Variants in SLC29A4 observed in about 807,000 individuals in gnomAD.
SLC29A4 encodes the protein solute carrier family 29 member 4.
Under a neutral mutation model 43.9 loss-of-function variants are expected in SLC29A4, and 36 were observed. That is an observed-to-expected ratio of 0.82 (90% CI 0.63 to 1.08). The LOEUF is 1.08. Ranked by LOEUF, SLC29A4 falls within the 50% of genes least tolerant of loss-of-function variation. The pLI is 0.00. For synonymous variants in SLC29A4, 491 were observed against 338.0 expected, an observed-to-expected ratio of 1.45 and a Z score of -4.97; for missense variants, 869 against 755.3, an observed-to-expected ratio of 1.15 and a Z score of -1.77.
In SLC29A4 at chr7:5,306,748, A is replaced by G. The variant is rs1583697104; in HGVS notation, c.*3809A>G. The G allele has an allele frequency of 6.6e-6, 1 of 151,670 alleles. No individual in the cohort carries two copies. The highest frequency in any genetic ancestry group is 1.5e-5 in the Non-Finnish European group (1 of 67,906). The allele number at this position is 151,670 out of a possible 1,614,324, so 9.4% of individuals were successfully genotyped here. ...CTGATATGGCAGAATGCCCCCAGAC[A>G]CCACCCCTACTCCAGCCCCTGAAAT... On this transcript the variant is annotated 3_prime_UTR_variant, in exon 11 of 11. Transcript: ENST00000396872.
At chr7:5,292,675 C>G (rs1345916359) in intron 5 of SLC29A4, among the ~76,000 whole-genome samples, 4 of 123,998 alleles carry the variant, frequency 3.2e-5, no homozygotes, top group African/African-American at 8.7e-5. Context: ...TTCTACCAGC[C>G]AAGACATTTT....
At chr7:5,296,893 A>T in intron 6 of SLC29A4, 43 bp from the exon 7 acceptor site, 1 of 1,441,036 alleles carries the variant, frequency 6.9e-7, no homozygotes, top group Non-Finnish European at 9.4e-7. Flanking sequence ...CGGTGCAGGG[A>T]GCTGGGCGGA....
chr7:5,294,295 T>C (rs971013495), intron 5 of SLC29A4, among the ~76,000 whole-genome samples: 5 of 152,162 alleles, frequency 3.3e-5, no homozygotes, highest in Admixed American at 3.3e-4. Flanking sequence ...CTTCCAGGGC[T>C]GGATTTGCTA....
chr7:5,291,171 C>A lies in SLC29A4; in HGVS notation c.349C>A (p.Leu117Met). The A allele has an allele frequency of 6.2e-7, 1 of 1,613,898 alleles. No individual in the cohort carries two copies. Among genetic ancestry groups the A allele is most frequent in the Non-Finnish European group, 8.5e-7 (1 of 1,180,018 alleles). The stretch of plus-strand genomic sequence containing the variant: ...GAGCCTCACCTACATCTTGGTGGCA[C>A]TGGCAGCTGTCCTCCTGAACAACGT... ...DMSLTYILVA[L>M]AAVLLNNVLV... The change falls in exon 4 of 11, where the codon CTG (leucine) becomes ATG (methionine). Residue 117 changes from leucine (L) to methionine (M), a missense_variant. Leu to Met is a conservative substitution (Grantham distance 15). Transcript: ENST00000396872.
In SLC29A4 at chr7:5,287,935, C is replaced by G. The variant is rs755223089; in HGVS notation, c.119C>G (p.Ala40Gly). 5 of 1,611,374 alleles carry G rather than the reference C, an allele frequency of 3.1e-6. No individual in the cohort carries two copies. In the African/African-American group the frequency reaches 4.0e-5, roughly 13 times the overall value. ...CAGCTGGAGGAGGCGGCGGAGGCGG[C>G]TCAGGGCCAGGGCCTTAGGGCCAGG... Reference protein sequence around the residue: ...SHQLEEAAEAAQGQGLRARGV... With the variant: ...SHQLEEAAEAGQGQGLRARGV... Residue 40 changes from alanine to glycine, a missense_variant, in exon 2 of 11, where the codon GCT becomes GGT. By Grantham distance (60) the Ala-to-Gly change is moderately conservative (BLOSUM62 0). Transcript: ENST00000396872.
At chr7:5,296,495 T>C (rs1224479472) in intron 6 of SLC29A4, among the ~76,000 whole-genome samples, 1 of 127,190 alleles carries the variant, frequency 7.9e-6, no homozygotes, top group African/African-American at 3.1e-5. Context: ...GACTCAGGAC[T>C]TAGAGGGAGC....
Position 5,305,571 on chromosome 7 carries a change from T to C in SLC29A4, c.*2632T>C, listed in dbSNP as rs1786442689. ...GTGCAGCTTTGCTTTTTTTTTTTTTTTTTTTGGAGGAGTTTCGCTTTTGTT... is the reference window on the plus strand; with the variant it reads ...GTGCAGCTTTGCTTTTTTTTTTTTTCTTTTTGGAGGAGTTTCGCTTTTGTT... On this transcript the variant is annotated 3_prime_UTR_variant, in exon 11 of 11. Coordinates refer to ENST00000396872, the MANE Select transcript of SLC29A4 (RefSeq NM_153247.4). 6.6e-6 allele frequency: 1 copy of C among 151,196 alleles called. No homozygotes were observed. The highest frequency in any genetic ancestry group is 2.1e-4 in the South Asian group (1 of 4,768). The allele number at this position is 151,196 out of a possible 1,614,324, so 9.4% of individuals were successfully genotyped here.
At chr7:5,297,791 C>G (rs557427622) in intron 7 of SLC29A4, among the ~76,000 whole-genome samples, 3 of 152,142 alleles carry the variant, frequency 2.0e-5, no homozygotes, top group Non-Finnish European at 4.4e-5. Context: ...TGGGGATAGG[C>G]GGAGAGGGAG....
At position 5,297,217 on chromosome 7, in the gene SLC29A4, C is replaced by G; in HGVS notation, c.882+19C>G. The G allele has an allele frequency of 6.5e-7, 1 of 1,547,638 alleles. No homozygotes were observed. The highest frequency in any genetic ancestry group is 8.7e-7 in the Non-Finnish European group (1 of 1,151,756). Reference sequence around the variant, plus strand: ...CCACTTCGTAAGTGCGCACCGCCCACCTCTGTTCCCTTCTCTGTCCCCTTC... The same window carrying G: ...CCACTTCGTAAGTGCGCACCGCCCAGCTCTGTTCCCTTCTCTGTCCCCTTC... On this transcript the variant is annotated intron_variant, in intron 7 of 10. Transcript: ENST00000396872.
chr7:5,295,482 A>C (rs1422837773), intron 6 of SLC29A4, among the ~76,000 whole-genome samples: 1 of 151,844 alleles, frequency 6.6e-6, no homozygotes, highest in African/African-American at 2.4e-5. Context: ...TGAACCTTAC[A>C]TGACATCCGG....
chr7:5,296,831 C>T (rs1358053522), intron 6 of SLC29A4, 105 bp from the exon 7 acceptor site: 11 of 1,139,678 alleles, frequency 9.7e-6, no homozygotes, highest in Admixed American at 5.5e-5. Flanking sequence ...TGGTGGAGGG[C>T]GGGGCCGGTG....
intron 5 of SLC29A4, among the ~76,000 whole-genome samples, chr7:5,293,129 C>T (rs1446876772): frequency 2.6e-5 from 4 of 150,948 alleles, no homozygotes; most frequent in African/African-American, 9.7e-5. Flanking sequence ...TGCAAGGGTC[C>T]AGGCCAGGCT....
chr7:5,291,505 C>G (rs1303135252), intron 4 of SLC29A4, among the ~76,000 whole-genome samples, 188 bp from the exon 5 acceptor site: 1 of 152,250 alleles, frequency 6.6e-6, no homozygotes, highest in African/African-American at 2.4e-5. Context: ...GCTTCAAGGC[C>G]CGGCTCAAAT....
intron 9 of SLC29A4, among the ~76,000 whole-genome samples, chr7:5,299,690 C>G (rs529629105): frequency 6.6e-6 from 1 of 152,234 alleles, no homozygotes; most frequent in Non-Finnish European, 1.5e-5. Flanking sequence ...GATCACAGGT[C>G]CCCTGGGGAT....
intron 1 of SLC29A4, among the ~76,000 whole-genome samples, chr7:5,286,613 G>A (rs970228834): frequency 8.5e-5 from 13 of 152,096 alleles, no homozygotes; most frequent in Admixed American, 6.5e-4. Context: ...CAGTGCAAGC[G>A]TCTCCATCAC....
chr7:5,298,665 T>G (rs1785890229), intron 7 of SLC29A4, among the ~76,000 whole-genome samples: 1 of 152,098 alleles, frequency 6.6e-6, no homozygotes, highest in African/African-American at 2.4e-5. Flanking sequence ...GCCTGGGTGA[T>G]GGCGCATGGC....
rs1785057189 is a variant in SLC29A4, at chr7:5,287,873, C to T, written c.57C>T (p.Asp19=). 1.9e-6 allele frequency: 3 copies of T among 1,611,974 alleles called. No individual in the cohort carries two copies. The highest frequency in any genetic ancestry group is 1.1e-5 in the South Asian group (1 of 91,010). The change falls in exon 2 of 11, where the codon GAC becomes GAT. Residue 19 remains aspartate, a synonymous_variant. Transcript: ENST00000396872. Reference sequence around the variant, plus strand: ...AGCCCAGCGTGGCAGGCACACCAGACCCGGGCGTAGTGATGAGCTTCACCT... The same window carrying T: ...AGCCCAGCGTGGCAGGCACACCAGATCCGGGCGTAGTGATGAGCTTCACCT... ...LEEPSVAGTP[D]PGVVMSFTFD... is the part of the protein sequence containing the mutation.
intron 2 of SLC29A4, among the ~76,000 whole-genome samples, chr7:5,289,757 T>TAAAGGCAGTGAC (rs1045453389): frequency 1.3e-4 from 19 of 151,934 alleles, no homozygotes; most frequent in Non-Finnish European, 1.6e-4. Flanking sequence ...CCTCTCCAGA[T>TAAAGGCAGTGAC]AAAGGCAGTG....
At chr7:5,291,472 A>G (rs1210205601) in intron 4 of SLC29A4, among the ~76,000 whole-genome samples, 4 of 152,044 alleles carry the variant, frequency 2.6e-5, no homozygotes, top group Non-Finnish European at 1.5e-5. Flanking sequence ...TTCCTTTCCC[A>G]TTCCTCTGCA....
Sources: gnomAD v4.1 joint callset for allele counts (sites outside exome capture counted in the v4.1 genomes callset) on GRCh38, gnomAD v4.1.1 for gene constraint, MANE v1.5 for transcripts, NCBI Gene and HGNC (gene_info 2026-07-23, HGNC 2026-07-21) for gene names.